The following PPP2R5E variants were observed in gnomAD, a reference collection of about 807,000 sequenced individuals.
The protein encoded by PPP2R5E is serine/threonine-protein phosphatase 2A 56 kDa regulatory subunit epsilon isoform.
PPP2R5E carries 4 observed loss-of-function variants against 65.3 expected under a neutral mutation model. The ratio of observed to expected loss-of-function variants is 0.06; its 90% CI spans 0.03 to 0.14. The LOEUF (loss-of-function observed/expected upper bound fraction) is 0.14. Among genes scored for constraint, PPP2R5E ranks in the 10% least tolerant of loss-of-function variants. The pLI, the probability that PPP2R5E is intolerant of heterozygous loss-of-function variation, is 1.00. For synonymous variants in PPP2R5E, 183 were observed against 187.4 expected (o/e 0.98, Z 0.19); for missense variants, 274 against 556.1 (o/e 0.49, Z 5.10).
chr14:63,522,096 G>T (rs188062523), intron 2 of PPP2R5E, among the ~76,000 whole-genome samples: 2 of 150,706 alleles, frequency 1.3e-5, no homozygotes, highest in Non-Finnish European at 1.5e-5. Context: ...GGCACGCGCC[G>T]CCACGCCTGA....
chr14:63,474,190 G>C (rs754527095), intron 2 of PPP2R5E, among the ~76,000 whole-genome samples: 12 of 152,186 alleles, frequency 7.9e-5, no homozygotes, highest in Non-Finnish European at 1.0e-4. Flanking sequence ...AGAATTGGTA[G>C]AATCAATTGT....
At chr14:63,420,102 A>G (rs17101157) in intron 4 of PPP2R5E, among the ~76,000 whole-genome samples, 6,215 of 152,282 alleles carry the variant, frequency 0.041, 259 homozygotes, top group African/African-American at 0.1. Context: ...TTATCATGAC[A>G]TAGAATATTC....
intron 2 of PPP2R5E, among the ~76,000 whole-genome samples, chr14:63,478,395 T>C (rs1040199643): frequency 3.3e-5 from 5 of 152,188 alleles, no homozygotes; most frequent in African/African-American, 1.2e-4. Context: ...TTCATTTCAA[T>C]ACAATTGTAA....
chr14:63,476,497 G>C (rs1890418681), intron 2 of PPP2R5E, among the ~76,000 whole-genome samples: 1 of 152,080 alleles, frequency 6.6e-6, no homozygotes, highest in Admixed American at 6.5e-5. Flanking sequence ...TTCCGCTAAA[G>C]TTTATATTAT....
chr14:63,483,976 A>AG (rs1890843646), intron 2 of PPP2R5E, among the ~76,000 whole-genome samples: 1 of 151,622 alleles, frequency 6.6e-6, no homozygotes, highest in South Asian at 2.1e-4. Context: ...CCAGCTACTC[A>AG]GGGGGGCTGA....
At chr14:63,391,211 G>C (rs1174569977) in intron 10 of PPP2R5E, among the ~76,000 whole-genome samples, 2 of 152,158 alleles carry the variant, frequency 1.3e-5, no homozygotes, top group Non-Finnish European at 2.9e-5. Context: ...CGAGGCTGAA[G>C]AGCACAGTGA....
At position 63,375,085 on chromosome 14, in the gene PPP2R5E, G is replaced by C. The variant is rs1429847389; in HGVS notation, c.*924C>G. ...GTTTGCTCAACTCTTTTCCCAATTA[G>C]ATTTGCAATCCCGGTGATCAATTTC... On this transcript the variant is annotated 3_prime_UTR_variant, in exon 14 of 14. Coordinates refer to ENST00000337537, the MANE Select transcript of PPP2R5E (RefSeq NM_006246.5). 1.3e-5 allele frequency: 2 copies of C among 152,492 alleles called. No individual in the cohort carries two copies. The highest frequency in any genetic ancestry group is 2.9e-5 in the Non-Finnish European group (2 of 67,962). The allele number at this position is 152,492 out of a possible 1,614,324, so 9.4% of individuals were successfully genotyped here.
At chr14:63,532,342 T>C (rs1893469483) in intron 2 of PPP2R5E, among the ~76,000 whole-genome samples, 1 of 149,594 alleles carries the variant, frequency 6.7e-6, no homozygotes, top group Non-Finnish European at 1.5e-5. Flanking sequence ...AAATTAAAAA[T>C]AAAAAGCATT....
chr14:63,376,225 A>T, intron 13 of PPP2R5E, 117 bp from the exon 14 acceptor site: 1 of 670,686 alleles, frequency 1.5e-6, no homozygotes, highest in South Asian at 2.4e-5. Context: ...TGAGAAAATT[A>T]ACTTTAAAAT....
intron 2 of PPP2R5E, among the ~76,000 whole-genome samples, chr14:63,532,144 C>T (rs763553277): frequency 2.6e-5 from 4 of 152,130 alleles, no homozygotes; most frequent in Non-Finnish European, 5.9e-5. Flanking sequence ...TTTTAGGCTG[C>T]TCATTGCATT....
At chr14:63,461,341 C>CA (rs141122309) in intron 2 of PPP2R5E, among the ~76,000 whole-genome samples, 4,313 of 137,458 alleles carry the variant, frequency 0.031, 109 homozygotes, top group East Asian at 0.11. Context: ...AGTAAAATTA[C>CA]AGAAAAAAAA....
intron 4 of PPP2R5E, among the ~76,000 whole-genome samples, chr14:63,420,048 T>A (rs1361792975): frequency 6.6e-6 from 1 of 152,164 alleles, no homozygotes; most frequent in East Asian, 1.9e-4. Context: ...ACTGTAATAA[T>A]GAGTAAAAGT....
At chr14:63,434,454 TGAA>T (rs1410289191) in intron 3 of PPP2R5E, among the ~76,000 whole-genome samples, 1 of 152,190 alleles carries the variant, frequency 6.6e-6, no homozygotes, top group East Asian at 1.9e-4. Context: ...TTTCATCCAG[TGAA>T]GAAGTACACA....
At chr14:63,473,692 T>C (rs1473588172) in intron 2 of PPP2R5E, among the ~76,000 whole-genome samples, 2 of 152,134 alleles carry the variant, frequency 1.3e-5, no homozygotes, top group Admixed American at 1.3e-4. Flanking sequence ...GTAATTTGGT[T>C]TTGGTGTGGA....
intron 2 of PPP2R5E, among the ~76,000 whole-genome samples, chr14:63,508,730 ACTGT>A (rs1427734689): frequency 6.6e-6 from 1 of 152,124 alleles, no homozygotes; most frequent in African/African-American, 2.4e-5. Context: ...CACAATCCTG[ACTGT>A]CATTATCAGC....
At chr14:63,416,804 G>A (rs1566686313) in intron 4 of PPP2R5E, among the ~76,000 whole-genome samples, 3 of 151,740 alleles carry the variant, frequency 2.0e-5, no homozygotes, top group Admixed American at 1.3e-4. Context: ...GTGGCTTAAT[G>A]TAAGACAGAT....
chr14:63,520,886 A>AAAAAAAAAG (rs1566759558), intron 2 of PPP2R5E, among the ~76,000 whole-genome samples: 1 of 142,926 alleles, frequency 7.0e-6, no homozygotes, highest in African/African-American at 2.9e-5. Context: ...AAAAAAAAAA[A>AAAAAAAAAG]CAATTAGCCG....
chr14:63,442,139 C>T lies in PPP2R5E; in HGVS notation c.354+11550G>A, dbSNP rs139467407. 1.7e-3 allele frequency among the ~76,000 whole-genome samples: 257 copies of T among 152,240 alleles called. 1 individual carries two copies. The Middle Eastern group carries it at 0.037, about 22-fold the overall frequency. ...CTAACAAACTGTTCCTAACCTTGAG[C>T]AGTAAGTTCCTCCTGATTTCATTCT... is the stretch of plus-strand genomic sequence containing the variant. On this transcript the variant is annotated intron_variant, in intron 3 of 13. Coordinates refer to ENST00000337537, the MANE Select transcript of PPP2R5E (RefSeq NM_006246.5).
At chr14:63,448,439 G>A (rs1465288978) in intron 3 of PPP2R5E, among the ~76,000 whole-genome samples, 1 of 152,094 alleles carries the variant, frequency 6.6e-6, no homozygotes, top group Non-Finnish European at 1.5e-5. Context: ...ATATGAAAGG[G>A]GCATATGCTG....
Sources: gnomAD v4.1 joint callset for allele counts (sites outside exome capture counted in the v4.1 genomes callset) on GRCh38, gnomAD v4.1.1 for gene constraint, MANE v1.5 for transcripts, NCBI Gene and HGNC (gene_info 2026-07-23, HGNC 2026-07-21) for gene names.